CTIF: variants seen among roughly 807,000 people sequenced by gnomAD.
CTIF encodes CBP80/20-dependent translation initiation factor.
CTIF carries 21 observed loss-of-function variants against 66.0 expected under a neutral mutation model. The observed-to-expected ratio is 0.32, with a 90% CI of 0.23 to 0.46. CTIF has a LOEUF of 0.46. CTIF is among the 20% of genes least tolerant of loss of function. CTIF has a pLI of 1.00. For missense variants in CTIF, 739 were observed against 812.7 expected, an observed-to-expected ratio of 0.91 and a Z score of 1.10; for synonymous variants, 345 against 326.4, an observed-to-expected ratio of 1.06 and a Z score of -0.62.
chr18:48,738,612 T>C lies in CTIF; in HGVS notation c.585-19307T>C, dbSNP rs146816857. Reference sequence around the variant, plus strand: ...CCTCCCTCAAGCCTTGGCTGCTCCATGTCACCTTCTCAGGGAGGCCTGTCT... The same window carrying C: ...CCTCCCTCAAGCCTTGGCTGCTCCACGTCACCTTCTCAGGGAGGCCTGTCT... On this transcript the variant is annotated intron_variant, in intron 7 of 11. Coordinates refer to ENST00000256413, the MANE Select transcript of CTIF (RefSeq NM_014772.3). Among the ~76,000 whole-genome samples the C allele has an allele frequency of 3.7e-3, 558 of 151,534 alleles. 3 individuals carry two copies. Among genetic ancestry groups the C allele is most frequent in the Non-Finnish European group, 5.1e-3 (345 of 67,926 alleles).
intron 9 of CTIF, among the ~76,000 whole-genome samples, chr18:48,772,071 C>T (rs139191078): frequency 1.3e-3 from 193 of 152,360 alleles, no homozygotes; most frequent in African/African-American, 4.4e-3. Flanking sequence ...AAGGAGACCA[C>T]AGAGGGTCAC....
At position 48,757,451 on chromosome 18, in the gene CTIF, G is replaced by A. The variant is rs570672904; in HGVS notation, c.585-468G>A. ...TTTTCAAAAAACATTATGGTGAACA[G>A]TCATTCATAGGAAGGTGCTTGTAAG... On this transcript the variant is annotated intron_variant, in intron 7 of 11. Coordinates refer to ENST00000256413, the MANE Select transcript of CTIF (RefSeq NM_014772.3). 5.9e-5 allele frequency among the ~76,000 whole-genome samples: 9 copies of A among 152,250 alleles called. 1 individual carries two copies. In the South Asian group the frequency reaches 1.7e-3, roughly 28 times the overall value.
chr18:48,853,223 A>G (rs997101256), intron 10 of CTIF, among the ~76,000 whole-genome samples: 1 of 152,132 alleles, frequency 6.6e-6, no homozygotes, highest in Admixed American at 6.5e-5. Flanking sequence ...GAGACGGGCA[A>G]TAGGCAAACA....
rs560514295 is a variant in CTIF, at chr18:48,718,916, C to T, written c.584+7221C>T. Among the ~76,000 whole-genome samples, 18 of 152,272 alleles carry T rather than the reference C, an allele frequency of 1.2e-4. No individual in the cohort carries two copies. The South Asian group carries it at 1.5e-3, about 12-fold the overall frequency. Reference sequence around the variant, plus strand: ...AGCACTCAGAGCACCCATTGCTCTCCGTGGAGTCTTCCAGGCCCTCAGCGT... The same window carrying T: ...AGCACTCAGAGCACCCATTGCTCTCTGTGGAGTCTTCCAGGCCCTCAGCGT... On this transcript the variant is annotated intron_variant, in intron 7 of 11. Transcript: ENST00000256413.
chr18:48,646,485 G>A (rs1244395008), intron 3 of CTIF, among the ~76,000 whole-genome samples: 1 of 151,758 alleles, frequency 6.6e-6, no homozygotes, highest in Non-Finnish European at 1.5e-5. Context: ...GGTGGCTCAT[G>A]CCTGTAATCT....
Position 48,605,440 on chromosome 18 carries a change from G to T in CTIF, c.-28-14098G>T, listed in dbSNP as rs2090184617. Among the ~76,000 whole-genome samples, 4 of 152,202 alleles carry T rather than the reference G, an allele frequency of 2.6e-5. No homozygotes were observed. In the South Asian group the frequency reaches 8.3e-4, roughly 32 times the overall value. On this transcript the variant is annotated intron_variant, in intron 1 of 11. Transcript: ENST00000256413. ...GTGTAGTTTGCAGATGGCTGTGGGGGATTTCTCAGTTAATTATCTGCCAGT... is the reference window on the plus strand; with the variant it reads ...GTGTAGTTTGCAGATGGCTGTGGGGTATTTCTCAGTTAATTATCTGCCAGT...
At chr18:48,715,122 C>T (rs1033335154) in intron 7 of CTIF, among the ~76,000 whole-genome samples, 1 of 152,190 alleles carries the variant, frequency 6.6e-6, no homozygotes, top group Non-Finnish European at 1.5e-5. Flanking sequence ...AAAGCCCTAC[C>T]CACACTGTCA....
chr18:48,801,878 C>T (rs868057175), intron 9 of CTIF, among the ~76,000 whole-genome samples: 1 of 152,314 alleles, frequency 6.6e-6, no homozygotes, highest in Non-Finnish European at 1.5e-5. Context: ...CTCCAAAAAG[C>T]TGGATAAGCT....
At chr18:48,765,801 C>A (rs904282558) in intron 9 of CTIF, among the ~76,000 whole-genome samples, 11 of 152,186 alleles carry the variant, frequency 7.2e-5, no homozygotes, top group Non-Finnish European at 1.3e-4. Flanking sequence ...CCCACAGCTC[C>A]AAAATGGTCT....
chr18:48,778,024 G>A lies in CTIF; in HGVS notation c.1371+16335G>A, dbSNP rs543566633. On this transcript the variant is annotated intron_variant, in intron 9 of 11. Coordinates refer to ENST00000256413, the MANE Select transcript of CTIF (RefSeq NM_014772.3). ...AACACCGCCAATTTGTTGGTCCCAC[G>A]CCTGGGGCCCCTGTGGTCATTGCAG... Among the ~76,000 whole-genome samples the A allele has an allele frequency of 3.9e-5, 6 of 152,328 alleles. 1 individual carries two copies. The South Asian group carries it at 1.2e-3, about 32-fold the overall frequency.
At position 48,707,337 on chromosome 18, in the gene CTIF, AG is replaced by A. The variant is rs532760861; in HGVS notation, c.508-4281del. On this transcript the variant is annotated intron_variant, in intron 6 of 11. Coordinates refer to ENST00000256413, the MANE Select transcript of CTIF (RefSeq NM_014772.3). ...TACTATCTCCCCTGGCCAGGCCACC[AG>A]AAGCAACAACTTATACTTTTTCCAG... Among the ~76,000 whole-genome samples, 533 of 152,346 alleles carry A rather than the reference AG, an allele frequency of 3.5e-3. 3 individuals carry two copies. The highest frequency in any genetic ancestry group is 5.2e-3 in the Non-Finnish European group (357 of 68,032).
At chr18:48,614,758 A>G (rs1367462868) in intron 1 of CTIF, among the ~76,000 whole-genome samples, 1 of 152,232 alleles carries the variant, frequency 6.6e-6, no homozygotes, top group Non-Finnish European at 1.5e-5. Context: ...GGAAATAGAT[A>G]GTGATGATGG....
intron 10 of CTIF, among the ~76,000 whole-genome samples, chr18:48,845,486 C>T (rs1349472509): frequency 6.6e-6 from 1 of 152,188 alleles, no homozygotes; most frequent in African/African-American, 2.4e-5. Context: ...AACTCTCTGA[C>T]CACCCTTTTC....
At chr18:48,628,942 C>T (rs1319206493) in intron 2 of CTIF, among the ~76,000 whole-genome samples, 1 of 152,188 alleles carries the variant, frequency 6.6e-6, no homozygotes, top group Non-Finnish European at 1.5e-5. Context: ...GGTTCTCCTC[C>T]CCATGTCAGT....
At chr18:48,789,555 G>A (rs928516833) in intron 9 of CTIF, among the ~76,000 whole-genome samples, 3 of 152,186 alleles carry the variant, frequency 2.0e-5, no homozygotes, top group Non-Finnish European at 4.4e-5. Flanking sequence ...AAACTCTAGG[G>A]AGATACAGTC....
chr18:48,543,776 C>G (rs1036108381), intron 1 of CTIF, among the ~76,000 whole-genome samples: 1 of 152,146 alleles, frequency 6.6e-6, no homozygotes, highest in South Asian at 2.1e-4. Flanking sequence ...TTCTATGTAC[C>G]GTAATGCTTT....
chr18:48,653,511 G>A (rs993435041), intron 3 of CTIF, among the ~76,000 whole-genome samples: 7 of 152,136 alleles, frequency 4.6e-5, no homozygotes, highest in African/African-American at 1.7e-4. Flanking sequence ...CTATGCTCAT[G>A]GATAGGAAGA....
At chr18:48,730,689 G>T (rs2092446067) in intron 7 of CTIF, among the ~76,000 whole-genome samples, 1 of 147,350 alleles carries the variant, frequency 6.8e-6, no homozygotes, top group Middle Eastern at 3.3e-3. Context: ...GGTGTGAGGA[G>T]CCCCTGAGGT....
chr18:48,855,979 C>A (rs2069318513), intron 10 of CTIF, among the ~76,000 whole-genome samples: 1 of 152,194 alleles, frequency 6.6e-6, no homozygotes, highest in East Asian at 1.9e-4. Context: ...GATGTGGGGT[C>A]CCTGAGAGTC....
Sources: allele counts gnomAD v4.1 joint callset (sites outside exome capture counted in the v4.1 genomes callset), GRCh38; gene constraint gnomAD v4.1.1; transcripts MANE v1.5; gene names NCBI Gene and HGNC (gene_info 2026-07-23, HGNC 2026-07-21).